SH3RF3: variants seen among roughly 807,000 people sequenced by gnomAD.
SH3RF3 encodes the protein E3 ubiquitin-protein ligase SH3RF3.
Under a neutral mutation model 66.3 loss-of-function variants are expected in SH3RF3, and 29 were observed. The observed-to-expected ratio is 0.44, with a 90% CI of 0.33 to 0.60. The LOEUF (loss-of-function observed/expected upper bound fraction) is 0.60. SH3RF3 is among the 20% of genes least tolerant of loss of function. The probability of loss-of-function intolerance (pLI) is 0.04; values close to 1 mark genes in which losing one functional copy is unlikely to be tolerated. For synonymous variants in SH3RF3, 583 were observed against 532.0 expected (o/e 1.10, Z -1.32); for missense variants, 1,194 against 1,190.9 (o/e 1.00, Z -0.04).
intron 1 of SH3RF3, among the ~76,000 whole-genome samples, chr2:109,257,925 G>C (rs1268274686): frequency 6.6e-6 from 1 of 152,122 alleles, no homozygotes; most frequent in Non-Finnish European, 1.5e-5. Flanking sequence ...GGCTCAGAAT[G>C]AATTAGACCA....
At chr2:109,153,634 G>A (rs955601577) in intron 1 of SH3RF3, among the ~76,000 whole-genome samples, 3 of 152,160 alleles carry the variant, frequency 2.0e-5, no homozygotes, top group Non-Finnish European at 2.9e-5. Flanking sequence ...GTGTGGCATA[G>A]TAAAACATGA....
intron 1 of SH3RF3, among the ~76,000 whole-genome samples, chr2:109,301,384 C>T (rs1377001381): frequency 1.3e-5 from 2 of 151,610 alleles, no homozygotes; most frequent in Non-Finnish European, 2.9e-5. Flanking sequence ...GTGGGGGGAC[C>T]TTGGGTCTCT....
chr2:109,359,887 T>C (rs1320714428), intron 2 of SH3RF3, among the ~76,000 whole-genome samples: 1 of 152,090 alleles, frequency 6.6e-6, no homozygotes, highest in Non-Finnish European at 1.5e-5. Context: ...GGCACATGTG[T>C]AGGCTGCACA....
At chr2:109,406,148 A>G (rs1187259463) in intron 4 of SH3RF3, among the ~76,000 whole-genome samples, 1 of 152,192 alleles carries the variant, frequency 6.6e-6, no homozygotes, top group African/African-American at 2.4e-5. Flanking sequence ...GGGAGAGGTC[A>G]GAGGCTCAGC....
At chr2:109,251,887 C>G (rs1308577537) in intron 1 of SH3RF3, among the ~76,000 whole-genome samples, 1 of 152,130 alleles carries the variant, frequency 6.6e-6, no homozygotes, top group Non-Finnish European at 1.5e-5. Flanking sequence ...TTCCAGGGTT[C>G]TAGACTTTGA....
intron 1 of SH3RF3, among the ~76,000 whole-genome samples, chr2:109,194,372 C>T (rs1678444204): frequency 6.6e-6 from 1 of 152,232 alleles, no homozygotes; most frequent in Non-Finnish European, 1.5e-5. Flanking sequence ...TGTCTGCTGC[C>T]ACCCCTGCTT....
intron 1 of SH3RF3, among the ~76,000 whole-genome samples, chr2:109,312,442 C>T (rs986128623): frequency 3.3e-5 from 5 of 152,074 alleles, no homozygotes; most frequent in Admixed American, 6.5e-5. Flanking sequence ...ATGTTTCGAC[C>T]GTCAGCACTG....
intron 7 of SH3RF3, among the ~76,000 whole-genome samples, chr2:109,441,723 T>A (rs1174367665): frequency 6.6e-6 from 1 of 151,948 alleles, no homozygotes; most frequent in Non-Finnish European, 1.5e-5. Context: ...ACAAGAAACA[T>A]GAAGAAAACT....
chr2:109,439,409 T>C (rs980871798), intron 7 of SH3RF3, among the ~76,000 whole-genome samples: 1 of 152,142 alleles, frequency 6.6e-6, no homozygotes, highest in Non-Finnish European at 1.5e-5. Flanking sequence ...CATTTTCCAC[T>C]TCATTCTGCA....
At chr2:109,357,127 T>C (rs1340306243) in intron 2 of SH3RF3, among the ~76,000 whole-genome samples, 2 of 151,156 alleles carry the variant, frequency 1.3e-5, no homozygotes, top group Non-Finnish European at 2.9e-5. Flanking sequence ...GAAAGTTCAC[T>C]AATCATAATT....
intron 1 of SH3RF3, among the ~76,000 whole-genome samples, chr2:109,216,704 G>A (rs1679108031): frequency 6.6e-6 from 1 of 152,222 alleles, no homozygotes; most frequent in African/African-American, 2.4e-5. Context: ...GTGAAACTGT[G>A]GGGTCACATG....
At position 109,425,105 on chromosome 2, in the gene SH3RF3, G is replaced by A. The variant is rs552135354; in HGVS notation, c.1403+5463G>A. 1.7e-4 allele frequency among the ~76,000 whole-genome samples: 26 copies of A among 152,348 alleles called. No individual in the cohort carries two copies. In the South Asian group the frequency reaches 5.4e-3, roughly 32 times the overall value. ...GAATGTTTGAGTGGCCTGGATAGAA[G>A]ATCAAACCAACTGCAACATTCCCTT... On this transcript the variant is annotated intron_variant, in intron 5 of 9. Transcript: ENST00000309415.
chr2:109,194,596 G>A (rs919281165), intron 1 of SH3RF3, among the ~76,000 whole-genome samples: 4 of 152,198 alleles, frequency 2.6e-5, no homozygotes, highest in African/African-American at 9.6e-5. Context: ...GGTAGGGAGG[G>A]CAGGCACATA....
intron 1 of SH3RF3, among the ~76,000 whole-genome samples, chr2:109,293,392 C>G (rs1681232141): frequency 6.6e-6 from 1 of 152,234 alleles, no homozygotes. Flanking sequence ...CAGCCCTGTT[C>G]TCTTGTCTGG....
rs1457417346 is a variant in SH3RF3, at chr2:109,503,171, T to C, written c.*1500T>C. Reference sequence around the variant, plus strand: ...AGATTCACACCTTAGGAACACATTTTTATCACCTCAAAATTTTGATCCATC... The same window carrying C: ...AGATTCACACCTTAGGAACACATTTCTATCACCTCAAAATTTTGATCCATC... On this transcript the variant is annotated 3_prime_UTR_variant, in exon 10 of 10. Transcript: ENST00000309415. 1 of 152,214 alleles carries C rather than the reference T, an allele frequency of 6.6e-6. No homozygotes were observed. Among genetic ancestry groups the C allele is most frequent in the Non-Finnish European group, 1.5e-5 (1 of 68,034 alleles). The allele number at this position is 152,214 out of a possible 1,614,324, so 9.4% of individuals were successfully genotyped here.
intron 1 of SH3RF3, among the ~76,000 whole-genome samples, chr2:109,315,882 C>A (rs1681867372): frequency 6.6e-6 from 1 of 152,188 alleles, no homozygotes; most frequent in Admixed American, 6.5e-5. Context: ...GCCACCAGTT[C>A]CCAGAACGTC....
intron 1 of SH3RF3, among the ~76,000 whole-genome samples, chr2:109,275,492 T>C (rs938948950): frequency 6.6e-5 from 10 of 152,180 alleles, no homozygotes; most frequent in Admixed American, 5.9e-4. Context: ...TATTTATTGA[T>C]TCTGGGTTGT....
chr2:109,440,610 G>C (rs1015653022), intron 7 of SH3RF3, among the ~76,000 whole-genome samples: 1 of 152,204 alleles, frequency 6.6e-6, no homozygotes, highest in Admixed American at 6.5e-5. Context: ...TAAAACAACA[G>C]TTTTCAAGAC....
At chr2:109,283,348 A>G (rs929217352) in intron 1 of SH3RF3, among the ~76,000 whole-genome samples, 1 of 151,988 alleles carries the variant, frequency 6.6e-6, no homozygotes, top group African/African-American at 2.4e-5. Context: ...TTGCCACCCC[A>G]TTGCCAGCCT....
Sources: gnomAD v4.1 joint callset for allele counts (sites outside exome capture counted in the v4.1 genomes callset) on GRCh38, gnomAD v4.1.1 for gene constraint, MANE v1.5 for transcripts, NCBI Gene and HGNC (gene_info 2026-07-23, HGNC 2026-07-21) for gene names.